Variants in ARHGAP28 observed in about 807,000 individuals in gnomAD.
ARHGAP28 encodes Rho GTPase activating protein 28, also known as rho GTPase-activating protein 28.
A neutral mutation model predicts 90.7 loss-of-function variants in ARHGAP28; 56 were observed. The observed-to-expected ratio is 0.62, with a 90% CI of 0.50 to 0.77. The LOEUF (loss-of-function observed/expected upper bound fraction) is 0.77. Ranked by LOEUF, ARHGAP28 falls within the 30% of genes least tolerant of loss-of-function variation. The pLI is 0.00. For synonymous variants in ARHGAP28, 308 were observed against 323.3 expected, an observed-to-expected ratio of 0.95 and a Z score of 0.51; for missense variants, 869 against 900.9, an observed-to-expected ratio of 0.96 and a Z score of 0.45.
At chr18:6,817,612 G>A (rs1450216863) in intron 1 of ARHGAP28, among the ~76,000 whole-genome samples, 1 of 152,128 alleles carries the variant, frequency 6.6e-6, no homozygotes, top group African/African-American at 2.4e-5. Context: ...TCCAGAGATA[G>A]GCAGCATCTG....
At chr18:6,896,681 G>T (rs2143785838) in intron 16 of ARHGAP28, 55 bp downstream of exon 16, 10 of 1,595,216 alleles carry the variant, frequency 6.3e-6, no homozygotes, top group South Asian at 4.5e-5. Context: ...TTTATCAGAT[G>T]AATAACTTTC....
At chr18:6,813,207 C>T (rs16950634) in intron 1 of ARHGAP28, among the ~76,000 whole-genome samples, 38,606 of 152,066 alleles carry the variant, frequency 0.25, 6,678 homozygotes, top group African/African-American at 0.49. Context: ...ATAGAAGACA[C>T]GAATTATTGA....
chr18:6,886,932 C>T (rs1024106129), intron 11 of ARHGAP28, among the ~76,000 whole-genome samples: 11 of 152,062 alleles, frequency 7.2e-5, no homozygotes, highest in African/African-American at 2.2e-4. Flanking sequence ...CTGAGGATCT[C>T]GTTGGCCACC....
intron 1 of ARHGAP28, among the ~76,000 whole-genome samples, chr18:6,823,601 A>ATTT (rs141094607): frequency 7.7e-6 from 1 of 130,062 alleles, no homozygotes; most frequent in Non-Finnish European, 1.7e-5. Context: ...GTGGCTCTTA[A>ATTT]TTTTTTTTTT....
intron 1 of ARHGAP28, chr18:6,790,117 G>A (rs1297266682): frequency 2.0e-5 from 3 of 152,202 alleles, no homozygotes; most frequent in Non-Finnish European, 2.9e-5. Flanking sequence ...GGGATTGCAG[G>A]CGTGGGCCAC....
At chr18:6,902,137 T>G (rs1187711393) in intron 16 of ARHGAP28, among the ~76,000 whole-genome samples, 1 of 152,200 alleles carries the variant, frequency 6.6e-6, no homozygotes, top group Non-Finnish European at 1.5e-5. Flanking sequence ...GGGGACACTG[T>G]TCAGCACCGT....
rs141663481 is a variant in ARHGAP28, at chr18:6,762,357, C to T, written c.122+32414C>T. On this transcript the variant is annotated intron_variant, in intron 1 of 17. Transcript: ENST00000383472. ...TAATATTTTATACCACCTTATAAGG[C>T]TTTACATGGCCTGGTTTGCCACCAC... Among the ~76,000 whole-genome samples the T allele has an allele frequency of 4.0e-3, 614 of 152,314 alleles. 6 individuals are homozygous for T. The highest frequency in any genetic ancestry group is 0.014 in the African/African-American group (581 of 41,572).
At chr18:6,813,692 A>G (rs537246271) in intron 1 of ARHGAP28, among the ~76,000 whole-genome samples, 1 of 152,208 alleles carries the variant, frequency 6.6e-6, no homozygotes, top group Non-Finnish European at 1.5e-5. Flanking sequence ...TAAAGTATAA[A>G]TAGGCAGGAG....
intron 1 of ARHGAP28, among the ~76,000 whole-genome samples, chr18:6,762,001 A>G (rs2056163972): frequency 2.0e-5 from 3 of 152,118 alleles, no homozygotes; most frequent in South Asian, 2.1e-4. Context: ...CTCAAGTCCA[A>G]TTTTTACTTT....
intron 1 of ARHGAP28, among the ~76,000 whole-genome samples, chr18:6,782,027 A>G (rs940384489): frequency 6.6e-6 from 1 of 152,084 alleles, no homozygotes; most frequent in Non-Finnish European, 1.5e-5. Context: ...ACAAGCTATC[A>G]TATTATCCTG....
At chr18:6,852,026 GTTAC>G (rs1285084845) in intron 4 of ARHGAP28, among the ~76,000 whole-genome samples, 1 of 152,030 alleles carries the variant, frequency 6.6e-6, no homozygotes. Flanking sequence ...CAAATTGTAT[GTTAC>G]TTATACTTTA....
At chr18:6,811,838 A>G (rs2143691993) in intron 1 of ARHGAP28, among the ~76,000 whole-genome samples, 1 of 152,300 alleles carries the variant, frequency 6.6e-6, no homozygotes, top group Non-Finnish European at 1.5e-5. Flanking sequence ...TTTCCCATTA[A>G]TTATTAATTT....
At chr18:6,901,478 A>G (rs1461833506) in intron 16 of ARHGAP28, among the ~76,000 whole-genome samples, 2 of 151,488 alleles carry the variant, frequency 1.3e-5, no homozygotes, top group Non-Finnish European at 2.9e-5. Flanking sequence ...TCGGGTTAAT[A>G]TTAACAGTGA....
intron 16 of ARHGAP28, among the ~76,000 whole-genome samples, chr18:6,904,800 T>C (rs1447095597): frequency 4.6e-5 from 7 of 152,170 alleles, no homozygotes; most frequent in Non-Finnish European, 8.8e-5. Flanking sequence ...GTAACAACTT[T>C]ATAGCTAATA....
intron 1 of ARHGAP28, among the ~76,000 whole-genome samples, chr18:6,794,135 G>A (rs2056425253): frequency 6.6e-6 from 1 of 152,126 alleles, no homozygotes; most frequent in African/African-American, 2.4e-5. Flanking sequence ...TAAAATAGCT[G>A]CCACATTTGT....
chr18:6,807,224 A>G (rs1422310811), intron 1 of ARHGAP28, among the ~76,000 whole-genome samples: 1 of 152,172 alleles, frequency 6.6e-6, no homozygotes, highest in African/African-American at 2.4e-5. Flanking sequence ...GGCTTCTTAA[A>G]CATGCAGAAT....
intron 1 of ARHGAP28, among the ~76,000 whole-genome samples, chr18:6,777,628 G>A (rs970869296): frequency 2.6e-5 from 4 of 152,048 alleles, no homozygotes; most frequent in Non-Finnish European, 4.4e-5. Context: ...GGAAAGCTGC[G>A]GTGGGAGAAT....
At chr18:6,847,613 G>A (rs1285590873) in intron 3 of ARHGAP28, among the ~76,000 whole-genome samples, 1 of 109,742 alleles carries the variant, frequency 9.1e-6, no homozygotes, top group Non-Finnish European at 1.8e-5. Context: ...GAAAGGATGA[G>A]AGAGAGAGAG....
intron 1 of ARHGAP28, among the ~76,000 whole-genome samples, chr18:6,740,786 T>C (rs8084747): frequency 0.44 from 67,311 of 152,016 alleles, 15,628 homozygotes; most frequent in East Asian, 0.55. Flanking sequence ...TGAGTAAGGA[T>C]AGCCAGGAAC....
Sources: allele counts gnomAD v4.1 joint callset (sites outside exome capture counted in the v4.1 genomes callset), GRCh38; gene constraint gnomAD v4.1.1; transcripts MANE v1.5; gene names NCBI Gene and HGNC (gene_info 2026-07-23, HGNC 2026-07-21).